The following TANGO6 variants were observed in gnomAD, a reference collection of about 807,000 sequenced individuals.
The protein encoded by TANGO6 is transport and golgi organization 6 homolog.
TANGO6 carries 90 observed loss-of-function variants against 114.2 expected under a neutral mutation model. The observed-to-expected ratio is 0.79, with a 90% CI of 0.66 to 0.94. TANGO6 has a LOEUF of 0.94. Among genes scored for constraint, TANGO6 ranks in the 40% least tolerant of loss-of-function variants. The pLI, the probability that TANGO6 is intolerant of heterozygous loss-of-function variation, is 0.00. For missense variants in TANGO6, 1,274 were observed against 1,315.3 expected (o/e 0.97, Z 0.49); for synonymous variants, 477 against 509.8 (o/e 0.94, Z 0.87).
At chr16:68,948,915 G>C (rs549229368) in intron 14 of TANGO6, among the ~76,000 whole-genome samples, 1 of 152,198 alleles carries the variant, frequency 6.6e-6, no homozygotes. Context: ...GGCTGGGTGC[G>C]GTGGCTCACG....
chr16:68,909,148 G>T (rs971789414), intron 10 of TANGO6, 63 bp from the exon 11 acceptor site: 23 of 1,271,256 alleles, frequency 1.8e-5, no homozygotes, highest in Non-Finnish European at 2.3e-5. Context: ...TTCTGCTTAT[G>T]TTTGAGAAGG....
chr16:69,073,615 G>A (rs935507415), intron 17 of TANGO6, among the ~76,000 whole-genome samples: 6 of 152,196 alleles, frequency 3.9e-5, no homozygotes, highest in Non-Finnish European at 7.4e-5. Flanking sequence ...ATTTTCATGC[G>A]GCCAGCCTCA....
intron 15 of TANGO6, among the ~76,000 whole-genome samples, chr16:68,993,770 A>T (rs1439988552): frequency 1.3e-5 from 2 of 152,242 alleles, no homozygotes; most frequent in Non-Finnish European, 2.9e-5. Flanking sequence ...TGATTACAGA[A>T]TTGTAAAGAC....
rs78391392 is a variant in TANGO6, at chr16:68,905,140, G to T, written c.1668-2303G>T. 2.0e-4 allele frequency among the ~76,000 whole-genome samples: 31 copies of T among 152,258 alleles called. No individual in the cohort carries two copies. The East Asian group carries it at 5.8e-3, about 28-fold the overall frequency. The stretch of plus-strand genomic sequence containing the variant: ...AGCTACTTGGGAGGCTGAGGCAGGA[G>T]AATTGCTTGAACCTGGGAGGCAGAG... On this transcript the variant is annotated intron_variant, in intron 9 of 17. Transcript: ENST00000261778.
At chr16:69,049,436 C>G (rs1229485205) in intron 17 of TANGO6, among the ~76,000 whole-genome samples, 1 of 144,412 alleles carries the variant, frequency 6.9e-6, no homozygotes, top group African/African-American at 2.5e-5. Flanking sequence ...TTTTTTCTTT[C>G]TTTTTTTTTT....
intron 4 of TANGO6, among the ~76,000 whole-genome samples, chr16:68,872,885 T>C (rs1409471445): frequency 6.6e-6 from 1 of 151,288 alleles, no homozygotes; most frequent in African/African-American, 2.4e-5. Flanking sequence ...AAATTTTTAG[T>C]AGAGATGGGG....
intron 2 of TANGO6, among the ~76,000 whole-genome samples, chr16:68,861,678 C>T (rs902892456): frequency 1.3e-5 from 2 of 152,086 alleles, no homozygotes; most frequent in African/African-American, 2.4e-5. Flanking sequence ...CCAACTAGGA[C>T]GGCAAGAGAA....
chr16:69,039,439 C>T (rs1366877934), intron 16 of TANGO6, among the ~76,000 whole-genome samples: 2 of 152,016 alleles, frequency 1.3e-5, no homozygotes, highest in Admixed American at 1.3e-4. Context: ...GGTTCAAGAC[C>T]AGCTGGGCAA....
chr16:69,062,786 T>TAAAAAAAAA (rs1226491112), intron 17 of TANGO6, among the ~76,000 whole-genome samples: 1 of 104,166 alleles, frequency 9.6e-6, no homozygotes, highest in African/African-American at 3.3e-5. Context: ...AAAAAGAAAT[T>TAAAAAAAAA]TAAAAAAAAA....
chr16:68,890,539 A>C (rs758646493), intron 7 of TANGO6, among the ~76,000 whole-genome samples: 1 of 152,228 alleles, frequency 6.6e-6, no homozygotes, highest in Non-Finnish European at 1.5e-5. Flanking sequence ...ACTCTGCAGT[A>C]GTCTCTAAGG....
At chr16:68,854,677 G>A (rs2152153533) in intron 1 of TANGO6, among the ~76,000 whole-genome samples, 1 of 150,870 alleles carries the variant, frequency 6.6e-6, no homozygotes, top group East Asian at 2.0e-4. Context: ...ATTTGGTAAA[G>A]GAATTTTCTT....
intron 7 of TANGO6, among the ~76,000 whole-genome samples, chr16:68,893,871 C>T (rs568063748): frequency 2.6e-5 from 4 of 151,812 alleles, no homozygotes; most frequent in East Asian, 1.9e-4. Flanking sequence ...ACCTGCCCCC[C>T]GCCCCGCCCC....
intron 11 of TANGO6, among the ~76,000 whole-genome samples, chr16:68,913,443 CT>C (rs1962955901): frequency 7.3e-6 from 1 of 136,848 alleles, no homozygotes; most frequent in South Asian, 2.4e-4. Context: ...GAGTCTCACT[CT>C]GTCGCCCAGG....
chr16:69,042,742 C>T (rs1047868774), intron 17 of TANGO6, among the ~76,000 whole-genome samples: 2 of 152,050 alleles, frequency 1.3e-5, no homozygotes, highest in African/African-American at 4.8e-5. Flanking sequence ...ATTGAGAATC[C>T]ACTGTATGAG....
chr16:68,919,349 AGTTT>A lies in TANGO6; in HGVS notation c.2127+134_2127+137del, dbSNP rs1963056520. ...ATAGGAGAACCTAGATAAAGAAGTT[AGTTT>A]GTTAATGAGAATTCTCTCCAAAGTA... is the stretch of plus-strand genomic sequence containing the variant. On this transcript the variant is annotated intron_variant, in intron 12 of 17. Coordinates refer to ENST00000261778, the MANE Select transcript of TANGO6 (RefSeq NM_024562.2). 4.0e-6 allele frequency: 5 copies of A among 1,242,906 alleles called. No individual in the cohort carries two copies. In the African/African-American group the frequency reaches 4.5e-5, roughly 11 times the overall value. 77.0% of individuals were successfully genotyped at this position (1,242,906 alleles called of 1,614,324 possible).
At position 68,860,039 on chromosome 16, in the gene TANGO6, C is replaced by G. The variant is rs1394035516; in HGVS notation, c.250C>G (p.Pro84Ala). Reference sequence around the variant, plus strand: ...TGAAATTGCTGATAAGGCAGAATGGCCACAAAACTCTGTGGATGTCACTTG... The same window carrying G: ...TGAAATTGCTGATAAGGCAGAATGGGCACAAAACTCTGTGGATGTCACTTG... ...RDEIADKAEW[P>A]QNSVDVTWSF... The change falls in exon 2 of 18, where the codon CCA becomes GCA. Residue 84 changes from proline to alanine, a missense_variant. Transcript: ENST00000261778. 5 of 1,613,952 alleles carry G rather than the reference C, an allele frequency of 3.1e-6. No homozygotes were observed. The highest frequency in any genetic ancestry group is 8.5e-7 in the Non-Finnish European group (1 of 1,179,898).
At chr16:68,992,589 C>T (rs1423524122) in intron 15 of TANGO6, among the ~76,000 whole-genome samples, 2 of 152,162 alleles carry the variant, frequency 1.3e-5, no homozygotes, top group Non-Finnish European at 2.9e-5. Flanking sequence ...AGTAGCCCTT[C>T]AGTTGAGTAA....
intron 14 of TANGO6, among the ~76,000 whole-genome samples, chr16:68,961,319 G>A (rs1963588319): frequency 6.6e-6 from 1 of 152,238 alleles, no homozygotes; most frequent in Admixed American, 6.5e-5. Context: ...TCATGTAGCA[G>A]AGTGACTGAG....
chr16:68,900,660 A>G (rs1962770153), intron 8 of TANGO6, 114 bp downstream of exon 8: 1 of 876,072 alleles, frequency 1.1e-6, no homozygotes, highest in Admixed American at 2.8e-5. Context: ...ATTTCCTTTC[A>G]AAGTCAGGAA....
Sources: gnomAD v4.1 joint callset for allele counts (sites outside exome capture counted in the v4.1 genomes callset) on GRCh38, gnomAD v4.1.1 for gene constraint, MANE v1.5 for transcripts, NCBI Gene and HGNC (gene_info 2026-07-23, HGNC 2026-07-21) for gene names.